SUMF1: variants seen among roughly 807,000 people sequenced by gnomAD.
SUMF1 encodes sulfatase modifying factor 1.
Under a neutral mutation model 47.6 loss-of-function variants are expected in SUMF1, and 48 were observed. The ratio of observed to expected loss-of-function variants is 1.01; its 90% CI spans 0.80 to 1.28. SUMF1 has a LOEUF of 1.28. Among genes scored for constraint, SUMF1 ranks in the 50% most tolerant of loss-of-function variants. SUMF1 has a pLI of 0.00. For synonymous variants in SUMF1, 230 were observed against 192.1 expected, an observed-to-expected ratio of 1.20 and a Z score of -1.63; for missense variants, 571 against 485.4, an observed-to-expected ratio of 1.18 and a Z score of -1.66.
At chr3:4,321,470 T>TAAAAAAAAAAAAAAAAAAAA in intron 8 of SUMF1, among the ~76,000 whole-genome samples, 2 of 63,740 alleles carry the variant, frequency 3.1e-5, no homozygotes, top group South Asian at 5.8e-4. Flanking sequence ...AAGGAAATGC[T>TAAAAAAAAAAAAAAAAAAAA]AAAAAAAAAA....
intron 3 of SUMF1, among the ~76,000 whole-genome samples, chr3:4,429,508 A>G (rs1702170794): frequency 6.6e-6 from 1 of 152,230 alleles, no homozygotes; most frequent in African/African-American, 2.4e-5. Flanking sequence ...AGGCATTTTA[A>G]GAACAGGAAA....
chr3:4,457,075 C>CGTGT (rs1176491930), intron 1 of SUMF1, among the ~76,000 whole-genome samples: 1 of 87,634 alleles, frequency 1.1e-5, no homozygotes, highest in African/African-American at 3.6e-5. Flanking sequence ...TATATATATA[C>CGTGT]GTGTGTGTAT....
chr3:4,377,741 G>A lies in SUMF1; in HGVS notation c.955-1352C>T, dbSNP rs934570178. 4.6e-5 allele frequency among the ~76,000 whole-genome samples: 7 copies of A among 152,200 alleles called. No homozygotes were observed. In the South Asian group the frequency reaches 6.2e-4, roughly 14 times the overall value. On this transcript the variant is annotated intron_variant, in intron 7 of 8. Coordinates refer to ENST00000272902, the MANE Select transcript of SUMF1 (RefSeq NM_182760.4). Reference sequence around the variant, plus strand: ...GGTAAGGCATACACAGCATCTGAGAGGTACCAATAAATAGGCTCTAATAAG... The same window carrying A: ...GGTAAGGCATACACAGCATCTGAGAAGTACCAATAAATAGGCTCTAATAAG...
Position 4,274,043 on chromosome 3 carries a change from G to A in SUMF1, c.1014+102287C>T, listed in dbSNP as rs182460662. 2.4e-3 allele frequency among the ~76,000 whole-genome samples: 363 copies of A among 152,042 alleles called. 5 individuals are homozygous for A. The highest frequency in any genetic ancestry group is 0.02 in the Admixed American group (313 of 15,272). ...TTTGGGGAAAACTCAATATAAACAG[G>A]GCCCATAAACAGTATGATAGTTACC... On this transcript the variant is annotated intron_variant and NMD_transcript_variant, in intron 8 of 12. Transcript: ENST00000448413.
At chr3:4,136,845 T>C (rs578040429) in intron 8 of SUMF1, among the ~76,000 whole-genome samples, 1 of 152,032 alleles carries the variant, frequency 6.6e-6, no homozygotes, top group South Asian at 2.1e-4. Flanking sequence ...AGAAGACATT[T>C]ATGCAGCCAA....
At chr3:4,452,065 T>A (rs537204636) in intron 2 of SUMF1, among the ~76,000 whole-genome samples, 2 of 152,280 alleles carry the variant, frequency 1.3e-5, no homozygotes, top group South Asian at 4.1e-4. Flanking sequence ...GAAAGTTGTT[T>A]TACTTTAAAC....
chr3:4,159,505 A>G (rs1694528644), intron 8 of SUMF1, among the ~76,000 whole-genome samples: 2 of 151,432 alleles, frequency 1.3e-5, no homozygotes, highest in Non-Finnish European at 2.9e-5. Flanking sequence ...TTACTGTACT[A>G]TGTCTCAAAA....
intron 8 of SUMF1, among the ~76,000 whole-genome samples, chr3:4,179,205 C>G (rs1242880243): frequency 6.6e-6 from 1 of 152,028 alleles, no homozygotes; most frequent in Non-Finnish European, 1.5e-5. Context: ...CATATGGATC[C>G]AAAAAAGAGC....
chr3:4,114,815 G>A (rs570077321), intron 8 of SUMF1, among the ~76,000 whole-genome samples: 1 of 152,264 alleles, frequency 6.6e-6, no homozygotes, highest in Admixed American at 6.5e-5. Flanking sequence ...GTTCACAAAT[G>A]AGAACATCAA....
chr3:4,244,850 T>G (rs909906134), intron 8 of SUMF1, among the ~76,000 whole-genome samples: 1 of 152,162 alleles, frequency 6.6e-6, no homozygotes, highest in Admixed American at 6.6e-5. Context: ...GTTTTCCAAC[T>G]GATTCCATTC....
chr3:4,355,784 T>G (rs1406841156), intron 8 of SUMF1, among the ~76,000 whole-genome samples: 1 of 152,190 alleles, frequency 6.6e-6, no homozygotes, highest in African/African-American at 2.4e-5. Context: ...CTTCAATTAC[T>G]CTGAACTGGA....
intron 8 of SUMF1, among the ~76,000 whole-genome samples, chr3:4,254,838 G>A (rs1696906192): frequency 6.6e-6 from 1 of 151,720 alleles, no homozygotes; most frequent in South Asian, 2.1e-4. Flanking sequence ...TGAAATGAAG[G>A]AAAAAATATT....
At chr3:4,039,852 T>G (rs1461722126) in intron 9 of SUMF1, among the ~76,000 whole-genome samples, 3 of 151,950 alleles carry the variant, frequency 2.0e-5, no homozygotes, top group African/African-American at 7.2e-5. Flanking sequence ...GAGACCTAGT[T>G]TCTACAAAAA....
chr3:4,134,053 G>C (rs1693859377), intron 8 of SUMF1, among the ~76,000 whole-genome samples: 1 of 152,080 alleles, frequency 6.6e-6, no homozygotes, highest in Admixed American at 6.6e-5. Context: ...ACATTAGACA[G>C]ATCAACGAGA....
chr3:4,253,273 T>C (rs1439353029), intron 8 of SUMF1, among the ~76,000 whole-genome samples: 1 of 152,124 alleles, frequency 6.6e-6, no homozygotes, highest in Non-Finnish European at 1.5e-5. Flanking sequence ...GATGGCCGAA[T>C]AGGAACAGCT....
chr3:4,147,334 T>C (rs1694219311), intron 8 of SUMF1, among the ~76,000 whole-genome samples: 1 of 152,152 alleles, frequency 6.6e-6, no homozygotes, highest in South Asian at 2.1e-4. Context: ...CAAAGGATTA[T>C]AAAACATGCT....
intron 8 of SUMF1, among the ~76,000 whole-genome samples, chr3:4,331,809 A>G (rs2125129218): frequency 6.6e-6 from 1 of 152,304 alleles, no homozygotes; most frequent in Non-Finnish European, 1.5e-5. Context: ...TAGCCTAGGT[A>G]ACAGAGCAAG....
At chr3:4,103,792 G>A (rs149186831) in intron 8 of SUMF1, among the ~76,000 whole-genome samples, 1 of 152,092 alleles carries the variant, frequency 6.6e-6, no homozygotes, top group African/African-American at 2.4e-5. Context: ...AAACTGAACA[G>A]AGGCCAAGAA....
chr3:4,338,851 G>A (rs961492272), intron 8 of SUMF1, among the ~76,000 whole-genome samples: 1 of 152,032 alleles, frequency 6.6e-6, no homozygotes, highest in African/African-American at 2.4e-5. Context: ...TAGTGTGTGT[G>A]TGCAAATTTG....
Sources: allele counts gnomAD v4.1 joint callset (sites outside exome capture counted in the v4.1 genomes callset), GRCh38; gene constraint gnomAD v4.1.1; transcripts MANE v1.5; gene names NCBI Gene and HGNC (gene_info 2026-07-23, HGNC 2026-07-21).